Variants in APPBP2 observed in about 807,000 individuals in gnomAD.
APPBP2 encodes the protein amyloid beta precursor protein binding protein 2, also known as amyloid protein-binding protein 2.
In APPBP2, 15 loss-of-function variants were observed where a neutral mutation model predicts 76.0. The observed-to-expected ratio is 0.20, with a 90% CI of 0.13 to 0.30. APPBP2 has a LOEUF of 0.30. APPBP2 is among the 10% of genes least tolerant of loss of function. APPBP2 has a pLI of 1.00. For synonymous variants in APPBP2, 222 were observed against 242.2 expected, an observed-to-expected ratio of 0.92 and a Z score of 0.77; for missense variants, 401 against 687.2, an observed-to-expected ratio of 0.58 and a Z score of 4.66.
At chr17:60,516,905 G>A (rs2090968051) in intron 1 of APPBP2, among the ~76,000 whole-genome samples, 1 of 152,140 alleles carries the variant, frequency 6.6e-6, no homozygotes, top group African/African-American at 2.4e-5. Context: ...AAATAAGGTT[G>A]AGTTTCTTTC....
intron 1 of APPBP2, among the ~76,000 whole-genome samples, chr17:60,511,951 A>C (rs1195928177): frequency 6.6e-6 from 1 of 152,160 alleles, no homozygotes; most frequent in East Asian, 1.9e-4. Flanking sequence ...ATTCTGATTA[A>C]GTTCACACTG....
At chr17:60,500,250 G>GC (rs1454571372) in intron 2 of APPBP2, 149 bp downstream of exon 2, 4 of 545,608 alleles carry the variant, frequency 7.3e-6, no homozygotes, top group Non-Finnish European at 9.7e-6. Flanking sequence ...CTCGTGATCT[G>GC]CCCACCTCAG....
intron 4 of APPBP2, among the ~76,000 whole-genome samples, chr17:60,469,280 C>G (rs2090533892): frequency 7.0e-6 from 1 of 142,314 alleles, no homozygotes; most frequent in Admixed American, 7.3e-5. Context: ...GAGTCGAGAT[C>G]ACACCACTGC....
intron 6 of APPBP2, among the ~76,000 whole-genome samples, chr17:60,463,213 T>C (rs1265462403): frequency 1.3e-5 from 2 of 152,198 alleles, no homozygotes; most frequent in Non-Finnish European, 2.9e-5. Flanking sequence ...TCAACCAAAA[T>C]GAAATATTCA....
chr17:60,457,484 T>C (rs1318228991), intron 9 of APPBP2, among the ~76,000 whole-genome samples: 1 of 152,136 alleles, frequency 6.6e-6, no homozygotes, highest in Non-Finnish European at 1.5e-5. Context: ...TGGAGTACAG[T>C]GATGCAATCA....
chr17:60,502,916 T>G (rs1463427128), intron 1 of APPBP2, among the ~76,000 whole-genome samples: 1 of 146,732 alleles, frequency 6.8e-6, no homozygotes, highest in Non-Finnish European at 1.5e-5. Flanking sequence ...AACAAAATTT[T>G]ATGTTATCTT....
At chr17:60,523,257 T>C (rs942709353) in intron 1 of APPBP2, among the ~76,000 whole-genome samples, 1 of 152,114 alleles carries the variant, frequency 6.6e-6, no homozygotes, top group Non-Finnish European at 1.5e-5. Context: ...ATCTTATATT[T>C]ATGTGTGCAG....
intron 1 of APPBP2, among the ~76,000 whole-genome samples, chr17:60,511,654 G>C (rs544158657): frequency 5.3e-4 from 80 of 150,930 alleles, no homozygotes; most frequent in South Asian, 8.4e-4. Flanking sequence ...CTGTATTCTA[G>C]ATAACCAACT....
At chr17:60,484,918 A>G (rs887848817) in intron 3 of APPBP2, among the ~76,000 whole-genome samples, 2 of 151,152 alleles carry the variant, frequency 1.3e-5, no homozygotes, top group African/African-American at 4.8e-5. Flanking sequence ...TAATTTATTG[A>G]GAGTTGAATT....
chr17:60,512,996 A>T (rs1383421198), intron 1 of APPBP2, among the ~76,000 whole-genome samples: 1 of 150,312 alleles, frequency 6.7e-6, no homozygotes, highest in African/African-American at 2.4e-5. Context: ...GCCTATTCAA[A>T]AGGGAACGCT....
Position 60,454,374 on chromosome 17 carries a change from C to T in APPBP2, c.1266G>A (p.Gly422=). ...GTTTTGCAGTCTGTACATTAAATTC[C>T]CCAAAAGCTTTTTTAGCTAGTTGGA... is the stretch of plus-strand genomic sequence containing the variant. ...SSLQLAKKAF[G]EFNVQTAKHY... is the part of the protein sequence containing the mutation. The change falls in exon 11 of 13, where the codon GGG becomes GGA. Residue 422 remains glycine, a synonymous_variant. Transcript: ENST00000083182. 1 of 1,611,584 alleles carries T rather than the reference C, an allele frequency of 6.2e-7. No homozygotes were observed. Among genetic ancestry groups the T allele is most frequent in the Non-Finnish European group, 8.5e-7 (1 of 1,178,774 alleles).
intron 2 of APPBP2, among the ~76,000 whole-genome samples, chr17:60,499,361 T>C (rs955790579): frequency 6.7e-6 from 1 of 149,826 alleles, no homozygotes; most frequent in Non-Finnish European, 1.5e-5. Flanking sequence ...GAAAACAGTA[T>C]GACAGTTCCT....
chr17:60,518,066 TCC>T (rs79416041), intron 1 of APPBP2, among the ~76,000 whole-genome samples: 1 of 104,472 alleles, frequency 9.6e-6, no homozygotes, highest in Non-Finnish European at 1.7e-5. Flanking sequence ...TCTTACAATT[TCC>T]TTTTTTTTTT....
Position 60,525,906 on chromosome 17 carries a change from A to C in APPBP2, c.26T>G (p.Ile9Ser). 1 of 1,613,874 alleles carries C rather than the reference A, an allele frequency of 6.2e-7. No individual in the cohort carries two copies. The highest frequency in any genetic ancestry group is 8.5e-7 in the Non-Finnish European group (1 of 1,179,950). MAAVELEW[I>S]PETLYNTAIS... ...GGCGGTGTTATAGAGAGTCTCTGGG[A>C]TCCACTCTAGTTCCACGGCCGCCAT... The change falls in exon 1 of 13, where the codon ATC becomes AGC. Residue 9 changes from isoleucine (I) to serine (S), a missense_variant. By Grantham distance (142) the Ile-to-Ser change is moderately radical. Around this residue, in one of 5 missense-constraint regions of APPBP2, gnomAD observed 149 missense variants for 198.4 expected, o/e 0.75. Transcript: ENST00000083182.
At chr17:60,522,717 A>C (rs549997993) in intron 1 of APPBP2, among the ~76,000 whole-genome samples, 2 of 152,216 alleles carry the variant, frequency 1.3e-5, no homozygotes, top group Non-Finnish European at 2.9e-5. Context: ...AGGAGGAAAG[A>C]CCAAAAACAG....
intron 1 of APPBP2, 128 bp from the exon 2 acceptor site, chr17:60,500,615 A>C (rs2090815561): frequency 5.9e-6 from 4 of 682,420 alleles, no homozygotes; most frequent in Non-Finnish European, 1.0e-5. Flanking sequence ...TGTAACACTA[A>C]CAAATTTCTA....
chr17:60,481,031 G>A lies in APPBP2; in HGVS notation c.380-1760C>T, dbSNP rs552472790. Among the ~76,000 whole-genome samples the A allele has an allele frequency of 2.6e-5, 4 of 152,218 alleles. No individual in the cohort carries two copies. In the East Asian group the frequency reaches 5.8e-4, roughly 22 times the overall value. On this transcript the variant is annotated intron_variant, in intron 3 of 12. Transcript: ENST00000083182. ...TTTCACAGCACTCCATCAAACATCA[G>A]CAATAGCCATCCAGGTTGCTCCTCC...
chr17:60,507,848 C>T (rs1021228551), intron 1 of APPBP2, among the ~76,000 whole-genome samples: 12 of 152,096 alleles, frequency 7.9e-5, no homozygotes, highest in African/African-American at 1.9e-4. Context: ...AGTACAGTGG[C>T]GTGATCATAG....
At chr17:60,459,159 G>A (rs1194885577) in intron 9 of APPBP2, among the ~76,000 whole-genome samples, 3 of 152,050 alleles carry the variant, frequency 2.0e-5, no homozygotes, top group African/African-American at 4.8e-5. Context: ...CTTATGTTTT[G>A]TAATTTTTAA....
Sources: allele counts gnomAD v4.1 joint callset (sites outside exome capture counted in the v4.1 genomes callset), GRCh38; gene constraint gnomAD v4.1.1; regional missense constraint gnomAD v4.1.1; transcripts MANE v1.5; gene names NCBI Gene and HGNC (gene_info 2026-07-23, HGNC 2026-07-21).